Variants in RTL4 observed in about 807,000 individuals in gnomAD.
RTL4 encodes the protein retrotransposon Gag-like protein 4.
In RTL4, 4 loss-of-function variants were observed where a neutral mutation model predicts 5.3. The ratio of observed to expected loss-of-function variants is 0.75; its 90% CI spans 0.37 to 1.72. RTL4 has a LOEUF of 1.72. Ranked by LOEUF, RTL4 falls within the 40% of genes most tolerant of loss-of-function variation. The pLI is 0.04. For missense variants in RTL4, 260 were observed against 227.1 expected, an observed-to-expected ratio of 1.14 and a Z score of -0.93; for synonymous variants, 98 against 87.3, an observed-to-expected ratio of 1.12 and a Z score of -0.68.
chrX:112,240,274 C>T, the RTL4 span, among the ~76,000 whole-genome samples: 1 of 110,687 alleles, frequency 9.0e-6, no homozygotes, highest in East Asian at 2.8e-4. Context: ...ATATGAACAA[C>T]AAAGAGGAAA....
At chrX:112,339,096 A>T in the RTL4 span, among the ~76,000 whole-genome samples, 9 of 111,138 alleles carry the variant, frequency 8.1e-5, no homozygotes, top group African/African-American at 2.9e-4. Context: ...GATATTATAA[A>T]AGTAAAAAAA....
the RTL4 span, among the ~76,000 whole-genome samples, chrX:112,376,059 C>A: frequency 1.8e-5 from 2 of 111,146 alleles, no homozygotes; most frequent in East Asian, 5.7e-4. Flanking sequence ...GTTTTTAGAT[C>A]ATTTTTGATA....
chrX:112,430,123 A>G, the RTL4 span, among the ~76,000 whole-genome samples: 1 of 111,066 alleles, frequency 9.0e-6, no homozygotes, highest in East Asian at 2.8e-4. Flanking sequence ...TATTGTTTCA[A>G]ATGTTGCATT....
chrX:112,422,639 A>G, the RTL4 span, among the ~76,000 whole-genome samples: 1 of 111,415 alleles, frequency 9.0e-6, no homozygotes, highest in Non-Finnish European at 1.9e-5. Flanking sequence ...CCTCAGGGAT[A>G]AAGATCAGTG....
At chrX:112,129,895 A>C in the RTL4 span, among the ~76,000 whole-genome samples, 33 of 112,384 alleles carry the variant, frequency 2.9e-4, no homozygotes, top group African/African-American at 1.1e-3. Flanking sequence ...AATATCATTA[A>C]CAGTAGCATA....
chrX:112,348,213 T>C, the RTL4 span, among the ~76,000 whole-genome samples: 1 of 110,127 alleles, frequency 9.1e-6, no homozygotes, highest in Non-Finnish European at 1.9e-5. Flanking sequence ...TGTTTCTGAT[T>C]AGACATGGCG....
the RTL4 span, among the ~76,000 whole-genome samples, chrX:112,224,530 C>T: frequency 3.7e-5 from 4 of 108,897 alleles, no homozygotes; most frequent in African/African-American, 6.7e-5. Context: ...TCAGTAGAGA[C>T]GGGGTTTTGC....
the RTL4 span, among the ~76,000 whole-genome samples, chrX:112,176,096 G>C: frequency 0.037 from 4,127 of 110,718 alleles, 163 homozygotes; most frequent in African/African-American, 0.12. Context: ...CAGACAAACA[G>C]AGAGCCAAAT....
At chrX:112,116,151 G>C in the RTL4 span, among the ~76,000 whole-genome samples, 1 of 112,018 alleles carries the variant, frequency 8.9e-6, no homozygotes, top group Admixed American at 9.5e-5. Context: ...GCTTCTAACT[G>C]GCTGACAGAT....
the RTL4 span, among the ~76,000 whole-genome samples, chrX:112,386,228 A>G: frequency 1.8e-5 from 2 of 112,135 alleles, no homozygotes; most frequent in African/African-American, 6.5e-5. Context: ...TACCTCAAGC[A>G]TTTATCCTTT....
the RTL4 span, among the ~76,000 whole-genome samples, chrX:112,223,279 T>C: frequency 8.9e-6 from 1 of 112,375 alleles, no homozygotes; most frequent in Non-Finnish European, 1.9e-5. Flanking sequence ...GTATTTTAAA[T>C]AGCTTTTTGG....
chrX:112,180,233 A>C, the RTL4 span, among the ~76,000 whole-genome samples: 9 of 111,519 alleles, frequency 8.1e-5, no homozygotes, highest in Non-Finnish European at 5.6e-5. Flanking sequence ...AAAAAATCTT[A>C]AAATTGACAT....
chrX:112,446,380 C>T, the RTL4 span, among the ~76,000 whole-genome samples: 3 of 111,919 alleles, frequency 2.7e-5, no homozygotes, highest in Non-Finnish European at 5.6e-5. Context: ...TCCAAGGCTA[C>T]TGTTTCTCAC....
the RTL4 span, among the ~76,000 whole-genome samples, chrX:112,133,260 A>G: frequency 1.1e-4 from 12 of 112,166 alleles, no homozygotes; most frequent in African/African-American, 3.6e-4. Flanking sequence ...AAAATTCTTT[A>G]GTAGTGTAAA....
the RTL4 span, among the ~76,000 whole-genome samples, chrX:112,187,805 G>A: frequency 1.8e-5 from 2 of 111,977 alleles, no homozygotes; most frequent in African/African-American, 6.5e-5. Context: ...GACTGGATGA[G>A]GCTAATTGTG....
the RTL4 span, among the ~76,000 whole-genome samples, chrX:112,275,251 A>G: frequency 1.8e-5 from 2 of 108,406 alleles, no homozygotes; most frequent in Non-Finnish European, 1.9e-5. Flanking sequence ...TGCAGTCACC[A>G]TATTCACATG....
chrX:112,097,453 T>C, the RTL4 span, among the ~76,000 whole-genome samples: 2 of 110,584 alleles, frequency 1.8e-5, no homozygotes, highest in Admixed American at 1.9e-4. Context: ...CTGGGCAACA[T>C]TGCAAAGCCT....
the RTL4 span, among the ~76,000 whole-genome samples, chrX:112,204,017 G>T: frequency 8.9e-6 from 1 of 112,460 alleles, no homozygotes; most frequent in Non-Finnish European, 1.9e-5. Context: ...TGGAGCAATT[G>T]CAAATGGCAT....
At chrX:112,342,741 GAC>G in the RTL4 span, among the ~76,000 whole-genome samples, 242 of 111,681 alleles carry the variant, frequency 2.2e-3, no homozygotes, top group Non-Finnish European at 3.9e-3. Flanking sequence ...AACCCTTTCT[GAC>G]ACAGTTGCAA....
Sources: allele counts gnomAD v4.1 joint callset (sites outside exome capture counted in the v4.1 genomes callset), GRCh38; gene constraint gnomAD v4.1.1; transcripts MANE v1.5; gene names NCBI Gene and HGNC (gene_info 2026-07-23, HGNC 2026-07-21).